Variants in CCDC85C observed in about 807,000 individuals in gnomAD.
CCDC85C encodes coiled-coil domain-containing protein 85C.
Under a neutral mutation model 38.3 loss-of-function variants are expected in CCDC85C, and 18 were observed. The observed-to-expected ratio is 0.47, with a 90% CI of 0.33 to 0.70. The LOEUF (loss-of-function observed/expected upper bound fraction) is 0.70, where lower values mean the gene tolerates loss of function less well. Ranked by LOEUF, CCDC85C falls within the 30% of genes least tolerant of loss-of-function variation. The pLI, the probability that CCDC85C is intolerant of heterozygous loss-of-function variation, is 0.03. For synonymous variants in CCDC85C, 264 were observed against 293.8 expected (o/e 0.90, Z 1.04); for missense variants, 566 against 621.2 (o/e 0.91, Z 0.94).
Position 99,507,014 on chromosome 14 carries a change from T to G in CCDC85C, c.*8232A>C. 1.0e-6 allele frequency: 1 copy of G among 991,432 alleles called. No individual in the cohort carries two copies. The highest frequency in any genetic ancestry group is 1.3e-5 in the South Asian group (1 of 78,632). The allele number at this position is 991,432 out of a possible 1,614,324, so 61.4% of individuals were successfully genotyped here. A position where few individuals can be genotyped will look rare whatever the true frequency, so the allele number is the denominator to read the frequency against. Reference sequence around the variant, plus strand: ...AAATCTCTGCCAGTACATTTTTCTTTATGACATGCTTATTCATGTGAAGAA... The same window carrying G: ...AAATCTCTGCCAGTACATTTTTCTTGATGACATGCTTATTCATGTGAAGAA... On this transcript the variant is annotated 3_prime_UTR_variant, in exon 6 of 6. Transcript: ENST00000380243.
At chr14:99,580,271 T>C (rs2054952329) in intron 1 of CCDC85C, 1 of 384,558 alleles carries the variant, frequency 2.6e-6, no homozygotes, top group Non-Finnish European at 5.1e-6. Flanking sequence ...CCAGCTAAGA[T>C]ATAGTGCTGT....
chr14:99,514,076 C>CTCCACCCGGCCCGCCCTCAGCCGTCGGCT lies in CCDC85C; in HGVS notation c.*1141_*1169dup, dbSNP rs1385588462. On this transcript the variant is annotated 3_prime_UTR_variant, in exon 6 of 6. Transcript: ENST00000380243. The stretch of plus-strand genomic sequence containing the variant: ...GCGACTGCAAGGCAGCAGAACTCAG[C>CTCCACCCGGCCCGCCCTCAGCCGTCGGCT]TCCACCCGGCCCGCCCTCAGCCGTC... 6.6e-6 allele frequency: 1 copy of CTCCACCCGGCCCGCCCTCAGCCGTCGGCT among 152,400 alleles called. No individual in the cohort carries two copies. Among genetic ancestry groups the CTCCACCCGGCCCGCCCTCAGCCGTCGGCT allele is most frequent in the Non-Finnish European group, 1.5e-5 (1 of 68,150 alleles). The allele number at this position is 152,400 out of a possible 1,614,324, so 9.4% of individuals were successfully genotyped here. A position where few individuals can be genotyped will look rare whatever the true frequency, so the allele number is the denominator to read the frequency against.
intron 1 of CCDC85C, among the ~76,000 whole-genome samples, chr14:99,539,720 G>A (rs1003126198): frequency 2.0e-5 from 3 of 152,228 alleles, no homozygotes; most frequent in Admixed American, 1.3e-4. Context: ...GTGAGTTCAG[G>A]AAGGAAGTCC....
chr14:99,516,308 G>A lies in CCDC85C; in HGVS notation c.1072-22C>T. ...GGACCTGAAGGGAACGGGTCTCGGG[G>A]TCAGGGGCAGAGGCCACCGGCAGAC... On this transcript the variant is annotated intron_variant, in intron 4 of 5. Coordinates refer to ENST00000380243, the MANE Select transcript of CCDC85C (RefSeq NM_001144995.2). This position sits in a 1 kb window ranked among gnomAD's most constrained non-coding sequence, Gnocchi z 5.5. 6.5e-7 allele frequency: 1 copy of A among 1,532,040 alleles called. No homozygotes were observed. Among genetic ancestry groups the A allele is most frequent in the East Asian group, 2.5e-5 (1 of 40,816 alleles). 94.9% of individuals were successfully genotyped at this position (1,532,040 alleles called of 1,614,324 possible).
intron 1 of CCDC85C, among the ~76,000 whole-genome samples, chr14:99,553,737 C>T (rs774788697): frequency 2.6e-5 from 4 of 152,326 alleles, no homozygotes; most frequent in Non-Finnish European, 5.9e-5. Context: ...GACTGCATGC[C>T]GAGCCCCCAA....
In CCDC85C at chr14:99,501,820, G is replaced by A. The variant is rs77070984; in HGVS notation, c.*13426C>T. Reference sequence around the variant, plus strand: ...GTGGGAAACAGAATGCCTGTGAATGGAGTTGCTGCCAGCCCCATCCCACTG... The same window carrying A: ...GTGGGAAACAGAATGCCTGTGAATGAAGTTGCTGCCAGCCCCATCCCACTG... On this transcript the variant is annotated 3_prime_UTR_variant, in exon 6 of 6. Transcript: ENST00000380243. The A allele has an allele frequency of 3.9e-3, 905 of 232,530 alleles. 10 individuals are homozygous for A. Among genetic ancestry groups the A allele is most frequent in the African/African-American group, 0.019 (832 of 43,482 alleles). The allele number at this position is 232,530 out of a possible 1,614,324, so 14.4% of individuals were successfully genotyped here.
intron 2 of CCDC85C, among the ~76,000 whole-genome samples, chr14:99,527,841 G>C (rs753916415): frequency 6.6e-6 from 1 of 152,178 alleles, no homozygotes; most frequent in Non-Finnish European, 1.5e-5. Context: ...GTGCACTGCA[G>C]GTGTCTCACT....
At position 99,603,732 on chromosome 14, in the gene CCDC85C, C is replaced by G. The variant is rs2055237590; in HGVS notation, c.228G>C (p.Arg76=). ...EIRGLKDVNQ[R]LQDDNQELRE... ...GCAGCTCCTGGTTGTCGTCCTGCAG[C>G]CGCTGGTTCACGTCCTTGAGGCCGC... Residue 76 remains arginine (R), a synonymous_variant, in exon 1 of 6, where the codon CGG becomes CGC. Transcript: ENST00000380243. This position sits in a 1 kb window ranked among gnomAD's most constrained non-coding sequence, Gnocchi z 7.5. The G allele has an allele frequency of 6.6e-7, 1 of 1,520,740 alleles. No homozygotes were observed. Among genetic ancestry groups the G allele is most frequent in the South Asian group, 1.2e-5 (1 of 81,906 alleles). The allele number at this position is 1,520,740 out of a possible 1,614,324, so 94.2% of individuals were successfully genotyped here. A position where few individuals can be genotyped will look rare whatever the true frequency, so the allele number is the denominator to read the frequency against.
intron 1 of CCDC85C, among the ~76,000 whole-genome samples, chr14:99,559,164 C>G (rs1272087614): frequency 1.3e-5 from 2 of 152,036 alleles, no homozygotes; most frequent in African/African-American, 4.8e-5. Context: ...TATAAATTAC[C>G]CAATCTTAGG....
chr14:99,516,526 G>A lies in CCDC85C; in HGVS notation c.1072-240C>T, dbSNP rs569822900. Reference sequence around the variant, plus strand: ...TGGGCCACCCGGGAGGAAGTAGACAGGCTGGGCAAGGAAGACCCTCAGACA... The same window carrying A: ...TGGGCCACCCGGGAGGAAGTAGACAAGCTGGGCAAGGAAGACCCTCAGACA... On this transcript the variant is annotated intron_variant, in intron 4 of 5. Transcript: ENST00000380243. This position sits in a 1 kb window ranked among gnomAD's most constrained non-coding sequence, Gnocchi z 5.5. Among the ~76,000 whole-genome samples the A allele has an allele frequency of 6.6e-6, 1 of 152,318 alleles. No individual in the cohort carries two copies. The highest frequency in any genetic ancestry group is 1.9e-4 in the East Asian group (1 of 5,184).
At chr14:99,521,237 A>G (rs1897299271) in intron 3 of CCDC85C, among the ~76,000 whole-genome samples, 2 of 152,082 alleles carry the variant, frequency 1.3e-5, no homozygotes. Flanking sequence ...CAGCCACGGG[A>G]CTCCGGATAA....
intron 1 of CCDC85C, among the ~76,000 whole-genome samples, chr14:99,563,204 G>C (rs115344406): frequency 2.0e-5 from 3 of 152,258 alleles, no homozygotes; most frequent in Non-Finnish European, 4.4e-5. Flanking sequence ...CCTCAGCCAT[G>C]GCAGGGACTG....
At chr14:99,522,454 C>T in intron 2 of CCDC85C, 2 of 464,302 alleles carry the variant, frequency 4.3e-6, no homozygotes, top group South Asian at 3.2e-5. Context: ...CACTCTCCAA[C>T]GTGGGCTTTG....
In CCDC85C at chr14:99,604,118, G is replaced by A; in HGVS notation, c.-159C>T. ...GCGCGTCCTCTCGCCGCGCCCGCCG[G>A]GGCCGCCCGGGAGCCCGCGCGCCTC... On this transcript the variant is annotated 5_prime_UTR_variant, in exon 1 of 6. Transcript: ENST00000380243. The A allele has an allele frequency of 1.5e-6, 1 of 686,182 alleles. No individual in the cohort carries two copies. Among genetic ancestry groups the A allele is most frequent in the Non-Finnish European group, 1.8e-6 (1 of 560,100 alleles). The allele number at this position is 686,182 out of a possible 1,614,324, so 42.5% of individuals were successfully genotyped here. A position where few individuals can be genotyped will look rare whatever the true frequency, so the allele number is the denominator to read the frequency against.
At chr14:99,589,298 G>A (rs569429403) in intron 1 of CCDC85C, among the ~76,000 whole-genome samples, 132 of 152,254 alleles carry the variant, frequency 8.7e-4, no homozygotes, top group African/African-American at 2.9e-3. Context: ...CAGCCAGGAC[G>A]GCTGGGCGCC....
Position 99,603,129 on chromosome 14 carries a change from C to A in CCDC85C, c.793+38G>T. On this transcript the variant is annotated intron_variant, in intron 1 of 5. Coordinates refer to ENST00000380243, the MANE Select transcript of CCDC85C (RefSeq NM_001144995.2). This position sits in a 1 kb window ranked among gnomAD's most constrained non-coding sequence, Gnocchi z 7.5. Reference sequence around the variant, plus strand: ...CGCAGCCTGGGAAAAGGGCTGCAGCCAGGGAGACCCGCGCTGCCCGGCCCG... The same window carrying A: ...CGCAGCCTGGGAAAAGGGCTGCAGCAAGGGAGACCCGCGCTGCCCGGCCCG... 1 of 1,294,666 alleles carries A rather than the reference C, an allele frequency of 7.7e-7. No individual in the cohort carries two copies. The highest frequency in any genetic ancestry group is 2.2e-5 in the South Asian group (1 of 44,608). 80.2% of individuals were successfully genotyped at this position (1,294,666 alleles called of 1,614,324 possible). A position where few individuals can be genotyped will look rare whatever the true frequency, so the allele number is the denominator to read the frequency against.
intron 2 of CCDC85C, among the ~76,000 whole-genome samples, chr14:99,527,221 CGTT>C (rs1227803067): frequency 6.6e-6 from 1 of 152,166 alleles, no homozygotes; most frequent in Non-Finnish European, 1.5e-5. Context: ...TGTGTAATGA[CGTT>C]GTTGGTTTAT....
In CCDC85C at chr14:99,520,770, C is replaced by T. The variant is rs184498998; in HGVS notation, c.975+1363G>A. 2.6e-3 allele frequency among the ~76,000 whole-genome samples: 390 copies of T among 152,358 alleles called. 1 individual carries two copies. The highest frequency in any genetic ancestry group is 9.0e-3 in the African/African-American group (376 of 41,582). On this transcript the variant is annotated intron_variant, in intron 3 of 5. Transcript: ENST00000380243. The surrounding 1 kb of genome is among the most constrained non-coding windows in gnomAD (Gnocchi z 4.1). ...TGGGGCCCTGGCCATCCACCCCACC[C>T]CTGTGAGCCTCACTTCCTCCTCTCC... is the stretch of plus-strand genomic sequence containing the variant.
Position 99,501,017 on chromosome 14 carries a change from A to T in CCDC85C, c.*14229T>A. 1 of 636,618 alleles carries T rather than the reference A, an allele frequency of 1.6e-6. No individual in the cohort carries two copies. The highest frequency in any genetic ancestry group is 2.8e-6 in the Non-Finnish European group (1 of 359,694). The allele number at this position is 636,618 out of a possible 1,614,324, so 39.4% of individuals were successfully genotyped here. On this transcript the variant is annotated 3_prime_UTR_variant, in exon 6 of 6. Coordinates refer to ENST00000380243, the MANE Select transcript of CCDC85C (RefSeq NM_001144995.2). ...GCATGGCTTGCTCAGTCAATTCAGCATTGCAGCTGCTAATGCTGTTTCCTT... is the reference window on the plus strand; with the variant it reads ...GCATGGCTTGCTCAGTCAATTCAGCTTTGCAGCTGCTAATGCTGTTTCCTT...
Sources: allele counts gnomAD v4.1 joint callset (sites outside exome capture counted in the v4.1 genomes callset), GRCh38; gene constraint gnomAD v4.1.1; non-coding constraint Gnocchi (gnomAD v3.1); transcripts MANE v1.5; gene names NCBI Gene and HGNC (gene_info 2026-07-23, HGNC 2026-07-21).